Variants in DHX8 observed in about 807,000 individuals in gnomAD.
The protein encoded by DHX8 is ATP-dependent RNA helicase DHX8.
A neutral mutation model predicts 140.7 loss-of-function variants in DHX8; 67 were observed. That is an observed-to-expected ratio of 0.48 (90% CI 0.39 to 0.58). DHX8 has a LOEUF of 0.58. Ranked by LOEUF, DHX8 falls within the 20% of genes least tolerant of loss-of-function variation. The pLI is 0.00. For missense variants in DHX8, 887 were observed against 1,550.7 expected (o/e 0.57, Z 7.19); for synonymous variants, 533 against 553.2 (o/e 0.96, Z 0.51).
chr17:43,529,899 G>T, downstream of DHX8: 3 of 1,614,142 alleles, frequency 1.9e-6, no homozygotes, highest in Admixed American at 1.7e-5. Context: ...AATTTCTCAG[G>T]GACAACGCAG....
At chr17:43,535,057 GCCTT>G (rs1971164114) in intron 2 of DHX8, among the ~76,000 whole-genome samples, 1 of 152,218 alleles carries the variant, frequency 6.6e-6, no homozygotes, top group African/African-American at 2.4e-5. Flanking sequence ...AAGAACACTG[GCCTT>G]TCCTGTGGCC....
At chr17:43,490,034 C>CTT (rs1968414298) in intron 2 of DHX8, among the ~76,000 whole-genome samples, 1 of 151,742 alleles carries the variant, frequency 6.6e-6, no homozygotes, top group African/African-American at 2.4e-5. Flanking sequence ...TTCTGTGATA[C>CTT]CTCTAGGAAA....
intron 1 of DHX8, among the ~76,000 whole-genome samples, chr17:43,485,198 T>C (rs1367918570): frequency 3.3e-5 from 5 of 151,988 alleles, no homozygotes; most frequent in Admixed American, 2.0e-4. Flanking sequence ...AGTTTAGAGA[T>C]TGGTGGTGGG....
intron 18 of DHX8, chr17:43,519,417 A>G (rs1970264693): frequency 6.6e-6 from 1 of 152,002 alleles, no homozygotes; most frequent in Non-Finnish European, 1.5e-5. Flanking sequence ...TCTTCTTTGA[A>G]GAAATGTCTA....
At chr17:43,538,852 G>C (rs887543261) in intron 3 of DHX8, among the ~76,000 whole-genome samples, 3 of 152,138 alleles carry the variant, frequency 2.0e-5, no homozygotes, top group African/African-American at 7.2e-5. Context: ...ACTGCTCTCA[G>C]ATTGGACAAT....
At chr17:43,486,231 A>G (rs1968138527) in intron 1 of DHX8, among the ~76,000 whole-genome samples, 1 of 151,930 alleles carries the variant, frequency 6.6e-6, no homozygotes. Context: ...GTTTAATGCA[A>G]TAGACAGTGT....
chr17:43,499,456 G>A lies in DHX8; in HGVS notation c.1398+497G>A, dbSNP rs144306301. Among the ~76,000 whole-genome samples the A allele has an allele frequency of 2.5e-3, 382 of 152,210 alleles. 2 individuals are homozygous for A. Among genetic ancestry groups the A allele is most frequent in the African/African-American group, 9.0e-3 (372 of 41,528 alleles). On this transcript the variant is annotated intron_variant, in intron 10 of 22. Coordinates refer to ENST00000262415, the MANE Select transcript of DHX8 (RefSeq NM_004941.3). ...CACATATGAAATGCTTATAATCCAC[G>A]CATATCATTCTTCTGCGGTGTTCTT...
intron 19 of DHX8, 25 bp from the exon 20 acceptor site, chr17:43,520,726 T>C (rs1292867533): frequency 6.2e-7 from 1 of 1,613,670 alleles, no homozygotes; most frequent in Non-Finnish European, 8.5e-7. Context: ...AGGGAAGCAG[T>C]TGTAGTCTTT....
At chr17:43,529,265 A>G, downstream of DHX8, 1 of 1,606,586 alleles carries the variant, frequency 6.2e-7, no homozygotes, top group Non-Finnish European at 8.5e-7. Flanking sequence ...TGGGGTAGAG[A>G]TGCTACCTTG....
chr17:43,492,973 G>A lies in DHX8; in HGVS notation c.796G>A (p.Asp266Asn). 1 of 1,614,208 alleles carries A rather than the reference G, an allele frequency of 6.2e-7. No homozygotes were observed. Among genetic ancestry groups the A allele is most frequent in the Non-Finnish European group, 8.5e-7 (1 of 1,180,036 alleles). ...TCCTCCAGAAGAGCCCACCATTGGT[G>A]ACATTTATAATGGCAAAGTTACCAG... Reference protein sequence around the residue: ...RPPPEEPTIGDIYNGKVTSIM... With the variant: ...RPPPEEPTIGNIYNGKVTSIM... The change falls in exon 6 of 23, where the codon GAC (aspartate) becomes AAC (asparagine). Residue 266 changes from aspartate (D) to asparagine (N), a missense_variant. Coordinates refer to ENST00000262415, the MANE Select transcript of DHX8 (RefSeq NM_004941.3).
In DHX8 at chr17:43,524,563, C is replaced by T. The variant is rs1444540778; in HGVS notation, c.*716C>T. On this transcript the variant is annotated 3_prime_UTR_variant, in exon 23 of 23. Transcript: ENST00000262415. ...GGATCACCCGATGATCAACCATGTC[C>T]TCTCCACAGAGCACTTCAGTCTGGA... The T allele has an allele frequency of 2.0e-6, 2 of 985,892 alleles. No homozygotes were observed. Among genetic ancestry groups the T allele is most frequent in the Admixed American group, 6.1e-5 (1 of 16,312 alleles). The allele number at this position is 985,892 out of a possible 1,614,324, so 61.1% of individuals were successfully genotyped here.
At chr17:43,533,336 G>C in intron 2 of DHX8, 1 of 1,613,490 alleles carries the variant, frequency 6.2e-7, no homozygotes, top group East Asian at 2.2e-5. Flanking sequence ...TTTGTCTGGG[G>C]GGGTCATAGG....
chr17:43,529,349 C>A, downstream of DHX8: 1 of 1,397,586 alleles, frequency 7.2e-7, no homozygotes, highest in Non-Finnish European at 1.0e-6. Flanking sequence ...GCTAGCTCTG[C>A]AACAAAGCAT....
At chr17:43,500,482 A>G (rs1969123378) in intron 11 of DHX8, among the ~76,000 whole-genome samples, 1 of 151,630 alleles carries the variant, frequency 6.6e-6, no homozygotes, top group African/African-American at 2.4e-5. Context: ...ATGACACTCC[A>G]TCTCGAAAAA....
At position 43,492,664 on chromosome 17, in the gene DHX8, G is replaced by A. The variant is rs560835921; in HGVS notation, c.504-17G>A. On this transcript the variant is annotated splice_polypyrimidine_tract_variant and intron_variant, in intron 5 of 22. Transcript: ENST00000262415. ...GGATTGGTTTCTTTTTTAAACAGGTGCTTATTGATTTGTTAGGGACAGGAC... is the reference window on the plus strand; with the variant it reads ...GGATTGGTTTCTTTTTTAAACAGGTACTTATTGATTTGTTAGGGACAGGAC... The A allele has an allele frequency of 2.1e-5, 30 of 1,412,526 alleles. 1 individual carries two copies. In the South Asian group the frequency reaches 3.2e-4, roughly 15 times the overall value. 87.5% of individuals were successfully genotyped at this position (1,412,526 alleles called of 1,614,324 possible).
At chr17:43,543,229 A>G (rs1400243815) in intron 3 of DHX8, among the ~76,000 whole-genome samples, 4 of 33,398 alleles carry the variant, frequency 1.2e-4, no homozygotes, top group Admixed American at 8.0e-4. Flanking sequence ...CTCCCCACCC[A>G]CTGGATTTAA....
intron 9 of DHX8, among the ~76,000 whole-genome samples, chr17:43,498,311 AT>A (rs560438253): frequency 2.0e-5 from 3 of 150,988 alleles, no homozygotes; most frequent in Admixed American, 2.0e-4. Context: ...AGCCCAGCTA[AT>A]TTTTTTGTAT....
intron 11 of DHX8, among the ~76,000 whole-genome samples, chr17:43,502,713 C>T (rs11652267): frequency 0.057 from 8,660 of 152,198 alleles, 344 homozygotes; most frequent in Non-Finnish European, 0.088. Flanking sequence ...GGTGAGCCAC[C>T]GTGCCTAGCC....
intron 2 of DHX8, among the ~76,000 whole-genome samples, chr17:43,532,204 A>G (rs1970975755): frequency 6.6e-6 from 1 of 152,176 alleles, no homozygotes; most frequent in Non-Finnish European, 1.5e-5. Context: ...TTGCTCATTG[A>G]AAAGTAATAA....
Sources: gnomAD v4.1 joint callset for allele counts (sites outside exome capture counted in the v4.1 genomes callset) on GRCh38, gnomAD v4.1.1 for gene constraint, MANE v1.5 for transcripts, NCBI Gene and HGNC (gene_info 2026-07-23, HGNC 2026-07-21) for gene names.